The following SCFD1 variants were observed in gnomAD, a reference collection of about 807,000 sequenced individuals.
The protein encoded by SCFD1 is sec1 family domain containing 1.
Under a neutral mutation model 103.2 loss-of-function variants are expected in SCFD1, and 37 were observed. The observed-to-expected ratio is 0.36, with a 90% CI of 0.28 to 0.47. SCFD1 has a LOEUF of 0.47. Among genes scored for constraint, SCFD1 ranks in the 20% least tolerant of loss-of-function variants. The pLI is 1.00. For missense variants in SCFD1, 639 were observed against 761.2 expected (o/e 0.84, Z 1.89); for synonymous variants, 264 against 245.0 (o/e 1.08, Z -0.73).
chr14:30,715,826 GA>G (rs1892241567), intron 19 of SCFD1, 97 bp from the exon 20 acceptor site: 1 of 634,150 alleles, frequency 1.6e-6, no homozygotes, highest in Admixed American at 3.2e-5. Flanking sequence ...GTGTTTAATT[GA>G]AAGGTAAGCA....
chr14:30,668,104 A>C (rs1269630549), intron 10 of SCFD1, among the ~76,000 whole-genome samples: 36 of 152,284 alleles, frequency 2.4e-4, no homozygotes, highest in East Asian at 7.7e-4. Context: ...AATCCTAAGC[A>C]AAAAGAACAA....
chr14:30,734,677 C>A, intron 23 of SCFD1, 113 bp from the exon 24 acceptor site: 1 of 809,342 alleles, frequency 1.2e-6, no homozygotes, highest in Non-Finnish European at 2.1e-6. Context: ...AACAGTATCC[C>A]AAAGAAAGAC....
Position 30,705,804 on chromosome 14 carries a change from C to T in SCFD1, c.1491-19C>T. ...AGTTCTAATAATTAGCTTTTAAGTA[C>T]AACTTCCTTCTTTCATAGGGCTTTT... On this transcript the variant is annotated intron_variant, in intron 17 of 24. Coordinates refer to ENST00000458591, the MANE Select transcript of SCFD1 (RefSeq NM_016106.4). The T allele has an allele frequency of 6.2e-7, 1 of 1,609,054 alleles. No individual in the cohort carries two copies. The highest frequency in any genetic ancestry group is 8.5e-7 in the Non-Finnish European group (1 of 1,175,754).
At chr14:30,634,722 G>A (rs201043441) in intron 4 of SCFD1, 9 of 441,226 alleles carry the variant, frequency 2.0e-5, no homozygotes, top group African/African-American at 1.8e-4. Flanking sequence ...CAAAGACCCA[G>A]GCTCCTTCTG....
In SCFD1 at chr14:30,627,008, T is replaced by C. The variant is rs957202499; in HGVS notation, c.62-1201T>C. ...TAGGACTTTGGAGTATAGGTTATTCTGTATTACTTAAAGCCTGATGCAAAT... is the reference window on the plus strand; with the variant it reads ...TAGGACTTTGGAGTATAGGTTATTCCGTATTACTTAAAGCCTGATGCAAAT... On this transcript the variant is annotated intron_variant, in intron 1 of 24. Coordinates refer to ENST00000458591, the MANE Select transcript of SCFD1 (RefSeq NM_016106.4). Among the ~76,000 whole-genome samples the C allele has an allele frequency of 5.3e-5, 8 of 152,366 alleles. No homozygotes were observed. The East Asian group carries it at 1.5e-3, about 29-fold the overall frequency.
At chr14:30,626,595 C>A (rs1883476647) in intron 1 of SCFD1, among the ~76,000 whole-genome samples, 1 of 152,096 alleles carries the variant, frequency 6.6e-6, no homozygotes, top group Non-Finnish European at 1.5e-5. Flanking sequence ...CTATATAAAC[C>A]ACTTTTTGCA....
At chr14:30,683,656 T>A (rs1341517524) in intron 14 of SCFD1, 1 of 227,586 alleles carries the variant, frequency 4.4e-6, no homozygotes, top group Non-Finnish European at 8.7e-6. Flanking sequence ...AACTGGGGGG[T>A]ATACTTTCCT....
At chr14:30,680,893 A>G (rs184265165) in intron 14 of SCFD1, among the ~76,000 whole-genome samples, 96 of 152,186 alleles carry the variant, frequency 6.3e-4, no homozygotes, top group Non-Finnish European at 1.1e-3. Context: ...TCTTCTGCCT[A>G]TTTTGGATTT....
chr14:30,653,785 A>C, intron 10 of SCFD1, 197 bp downstream of exon 10: 1 of 430,262 alleles, frequency 2.3e-6, no homozygotes, highest in South Asian at 4.5e-5. Flanking sequence ...TTAGTTTCAA[A>C]TTTATGATCT....
intron 11 of SCFD1, 89 bp downstream of exon 11, chr14:30,670,484 G>T: frequency 1.1e-6 from 1 of 927,190 alleles, no homozygotes. Context: ...AAAAAAAAGG[G>T]TCATGTAGGT....
At chr14:30,639,203 T>G (rs1389564909) in intron 5 of SCFD1, among the ~76,000 whole-genome samples, 1 of 152,026 alleles carries the variant, frequency 6.6e-6, no homozygotes, top group Non-Finnish European at 1.5e-5. Flanking sequence ...GTTGCCCAGG[T>G]CTCAAACTTC....
chr14:30,734,245 C>T (rs572251427), intron 23 of SCFD1, among the ~76,000 whole-genome samples: 17 of 152,242 alleles, frequency 1.1e-4, no homozygotes, highest in Admixed American at 8.5e-4. Context: ...ATTAGCAAAT[C>T]GCTAATAGAG....
intron 4 of SCFD1, 34 bp from the exon 5 acceptor site, chr14:30,638,091 T>A: frequency 6.5e-7 from 1 of 1,548,994 alleles, no homozygotes; most frequent in East Asian, 2.3e-5. Context: ...GTCTTCTTTA[T>A]CCTATAAGAA....
chr14:30,717,898 A>G (rs890140280), intron 20 of SCFD1, among the ~76,000 whole-genome samples: 6 of 152,130 alleles, frequency 3.9e-5, no homozygotes, highest in South Asian at 2.1e-4. Flanking sequence ...AAAAGAAAAA[A>G]AAAAAAAAAG....
At position 30,707,816 on chromosome 14, in the gene SCFD1, G is replaced by T. The variant is rs527872972; in HGVS notation, c.1554-174G>T. On this transcript the variant is annotated intron_variant, in intron 18 of 24. Coordinates refer to ENST00000458591, the MANE Select transcript of SCFD1 (RefSeq NM_016106.4). ...TATTTTATTGTTAAATAAAATTGCA[G>T]CTGTGATACCCATGGCAGCAGAAAT... 4.4e-6 allele frequency: 3 copies of T among 688,870 alleles called. No homozygotes were observed. In the East Asian group the frequency reaches 8.5e-5, roughly 20 times the overall value. 42.7% of individuals were successfully genotyped at this position (688,870 alleles called of 1,614,324 possible).
chr14:30,691,119 G>A (rs958686996), intron 14 of SCFD1, among the ~76,000 whole-genome samples: 1 of 152,110 alleles, frequency 6.6e-6, no homozygotes, highest in Non-Finnish European at 1.5e-5. Flanking sequence ...ATTTTCTGTG[G>A]TATACATTAG....
At chr14:30,718,508 G>T (rs548473972) in intron 20 of SCFD1, among the ~76,000 whole-genome samples, 10 of 152,334 alleles carry the variant, frequency 6.6e-5, no homozygotes, top group Admixed American at 5.9e-4. Flanking sequence ...GCAGCTGCCT[G>T]CATTATCATC....
At chr14:30,684,038 G>A (rs899529369) in intron 14 of SCFD1, among the ~76,000 whole-genome samples, 1 of 152,154 alleles carries the variant, frequency 6.6e-6, no homozygotes, top group African/African-American at 2.4e-5. Context: ...AATGGGGAGA[G>A]AAATAGTAAA....
At chr14:30,719,105 G>A (rs190498235) in intron 20 of SCFD1, among the ~76,000 whole-genome samples, 98 of 152,134 alleles carry the variant, frequency 6.4e-4, no homozygotes, top group Non-Finnish European at 1.2e-3. Context: ...AAAAATGAGG[G>A]TAACAGTAAC....
Sources: allele counts gnomAD v4.1 joint callset (sites outside exome capture counted in the v4.1 genomes callset), GRCh38; gene constraint gnomAD v4.1.1; transcripts MANE v1.5; gene names NCBI Gene and HGNC (gene_info 2026-07-23, HGNC 2026-07-21).